Variants in ZNF644 observed in about 807,000 individuals in gnomAD.
ZNF644 encodes zinc finger protein 644, also known as zinc finger motif enhancer binding protein 2.
Under a neutral mutation model 108.0 loss-of-function variants are expected in ZNF644, and 20 were observed. The observed-to-expected ratio is 0.19, with a 90% confidence interval of 0.13 to 0.27. ZNF644 has a LOEUF of 0.27. Among genes scored for constraint, ZNF644 ranks in the 10% least tolerant of loss-of-function variants. ZNF644 has a pLI of 1.00. For missense variants in ZNF644, 1,338 were observed against 1,548.9 expected (o/e 0.86, Z 2.29); for synonymous variants, 542 against 539.1 (o/e 1.01, Z -0.08).
chr1:90,927,538 A>G (rs1300714116), intron 4 of ZNF644, among the ~76,000 whole-genome samples: 1 of 152,214 alleles, frequency 6.6e-6, no homozygotes, highest in Admixed American at 6.5e-5. Context: ...GGAAAAATCA[A>G]GTTATTAACA....
intron 2 of ZNF644, among the ~76,000 whole-genome samples, chr1:90,962,357 A>G (rs1312284461): frequency 6.6e-6 from 1 of 152,048 alleles, no homozygotes; most frequent in Non-Finnish European, 1.5e-5. Context: ...ACCCATATGT[A>G]TATGGTCACT....
chr1:91,015,972 T>C (rs1178707753), intron 1 of ZNF644, among the ~76,000 whole-genome samples: 1 of 152,236 alleles, frequency 6.6e-6, no homozygotes, highest in Non-Finnish European at 1.5e-5. Flanking sequence ...TTGAAGATGG[T>C]AATTACTAAT....
intron 4 of ZNF644, among the ~76,000 whole-genome samples, chr1:90,924,438 A>C (rs145885566): frequency 6.6e-6 from 1 of 152,270 alleles, no homozygotes; most frequent in East Asian, 1.9e-4. Context: ...CAAAATAATC[A>C]CAGTCCCTGC....
Position 90,938,058 on chromosome 1 carries a change from T to C in ZNF644, c.3115A>G (p.Thr1039Ala), listed in dbSNP as rs1285697779. The change falls in exon 4 of 6, where the codon ACT (threonine) becomes GCT (alanine). Residue 1039 changes from threonine to alanine, a missense_variant. By Grantham distance (58) the Thr-to-Ala change is moderately conservative. Around this residue, in one of 6 missense-constraint regions of ZNF644, gnomAD observed 287 missense variants for 310.9 expected, o/e 0.92. Coordinates refer to ENST00000337393, the MANE Select transcript of ZNF644 (RefSeq NM_201269.3). The surrounding 1 kb of genome is among the most constrained non-coding windows in gnomAD (Gnocchi z 4.2). ...IEKSETTSEH[T>A]CQLCGGWFDT... is the part of the protein sequence containing the mutation. Reference sequence around the variant, plus strand: ...AACCAACCACCACAGAGCTGACAAGTGTGTTCAGAAGTGGTTTCAGACTTC... The same window carrying C: ...AACCAACCACCACAGAGCTGACAAGCGTGTTCAGAAGTGGTTTCAGACTTC... The C allele has an allele frequency of 2.5e-6, 4 of 1,610,874 alleles. No homozygotes were observed. Among genetic ancestry groups the C allele is most frequent in the Middle Eastern group, 1.7e-4 (1 of 6,060 alleles).
chr1:90,976,561 C>T (rs570844852), intron 2 of ZNF644, among the ~76,000 whole-genome samples: 1 of 152,260 alleles, frequency 6.6e-6, no homozygotes, highest in African/African-American at 2.4e-5. Context: ...ATATTTGCCG[C>T]TTAGCCTTTG....
Position 90,948,679 on chromosome 1 carries a change from T to C in ZNF644, c.45-7370A>G, listed in dbSNP as rs10922940. Among the ~76,000 whole-genome samples the C allele has an allele frequency of 2.8e-3, 430 of 152,312 alleles. 4 individuals are homozygous for C. Among genetic ancestry groups the C allele is most frequent in the African/African-American group, 9.9e-3 (411 of 41,552 alleles). On this transcript the variant is annotated intron_variant, in intron 2 of 5. Coordinates refer to ENST00000337393, the MANE Select transcript of ZNF644 (RefSeq NM_201269.3). ...ACCCACAGATACAGAAAGTCGACTATATTCATCGAAAAAAATCCACGTTTA... is the reference window on the plus strand; with the variant it reads ...ACCCACAGATACAGAAAGTCGACTACATTCATCGAAAAAAATCCACGTTTA...
intron 1 of ZNF644, among the ~76,000 whole-genome samples, chr1:90,989,253 A>T (rs1657403627): frequency 6.6e-6 from 1 of 152,196 alleles, no homozygotes; most frequent in African/African-American, 2.4e-5. Context: ...AAACAAGCAC[A>T]CAAAAAGATG....
At chr1:90,968,888 G>T (rs1162056269) in intron 2 of ZNF644, among the ~76,000 whole-genome samples, 1 of 152,034 alleles carries the variant, frequency 6.6e-6, no homozygotes, top group African/African-American at 2.4e-5. Flanking sequence ...ACTTGCCACA[G>T]CAAACCAAAA....
At chr1:90,960,100 C>T (rs1479592794) in intron 2 of ZNF644, among the ~76,000 whole-genome samples, 1 of 152,020 alleles carries the variant, frequency 6.6e-6, no homozygotes, top group African/African-American at 2.4e-5. Context: ...ACCTTTATTT[C>T]ACTTAATAAT....
intron 2 of ZNF644, among the ~76,000 whole-genome samples, chr1:90,981,339 G>A (rs1656532027): frequency 6.6e-6 from 1 of 152,024 alleles, no homozygotes; most frequent in Non-Finnish European, 1.5e-5. Context: ...AGCACAATAA[G>A]TACTCTTCAA....
chr1:90,983,081 A>AT (rs1491523311), intron 1 of ZNF644, among the ~76,000 whole-genome samples: 1 of 152,144 alleles, frequency 6.6e-6, no homozygotes, highest in African/African-American at 2.4e-5. Flanking sequence ...CACACTCTAC[A>AT]TATCTCCTCC....
At chr1:91,016,418 C>CTAT (rs1419156431) in intron 1 of ZNF644, among the ~76,000 whole-genome samples, 4 of 152,144 alleles carry the variant, frequency 2.6e-5, no homozygotes, top group African/African-American at 9.7e-5. Flanking sequence ...TTGGTATAGC[C>CTAT]TATTGTTCCT....
intron 2 of ZNF644, among the ~76,000 whole-genome samples, chr1:90,947,568 C>T (rs1047326951): frequency 6.6e-6 from 1 of 152,046 alleles, no homozygotes; most frequent in African/African-American, 2.4e-5. Flanking sequence ...TACTTTGAGC[C>T]TTCTGGTATT....
intron 1 of ZNF644, among the ~76,000 whole-genome samples, chr1:90,989,836 A>G (rs1324873428): frequency 2.0e-5 from 3 of 152,192 alleles, no homozygotes; most frequent in Non-Finnish European, 4.4e-5. Flanking sequence ...AAGAATCCAA[A>G]GCAGAATCTC....
intron 1 of ZNF644, among the ~76,000 whole-genome samples, chr1:91,006,881 C>G (rs1436070002): frequency 1.3e-5 from 2 of 152,008 alleles, no homozygotes; most frequent in Non-Finnish European, 2.9e-5. Context: ...AGTAAATATT[C>G]TAACAACCTC....
chr1:90,974,087 C>T (rs776479392), intron 2 of ZNF644, among the ~76,000 whole-genome samples: 1 of 152,106 alleles, frequency 6.6e-6, no homozygotes, highest in Non-Finnish European at 1.5e-5. Context: ...TCTGAACAAA[C>T]AGGCTCTGCT....
chr1:90,936,936 C>T (rs1055929207), intron 4 of ZNF644, among the ~76,000 whole-genome samples: 1 of 152,078 alleles, frequency 6.6e-6, no homozygotes, highest in African/African-American at 2.4e-5. Flanking sequence ...CAAACTATTC[C>T]GCAATACAAT....
intron 2 of ZNF644, among the ~76,000 whole-genome samples, chr1:90,955,237 G>A (rs1304504972): frequency 6.6e-6 from 1 of 152,196 alleles, no homozygotes; most frequent in Admixed American, 6.5e-5. Context: ...TTCATTTATA[G>A]AGCACAGGTA....
At chr1:90,954,935 G>T (rs1176859513) in intron 2 of ZNF644, among the ~76,000 whole-genome samples, 1 of 152,148 alleles carries the variant, frequency 6.6e-6, no homozygotes, top group Non-Finnish European at 1.5e-5. Flanking sequence ...ACTTTGCTCA[G>T]ATCCATCAGA....
Sources: allele counts gnomAD v4.1 joint callset (sites outside exome capture counted in the v4.1 genomes callset), GRCh38; gene constraint gnomAD v4.1.1; regional missense constraint gnomAD v4.1.1; non-coding constraint Gnocchi (gnomAD v3.1); transcripts MANE v1.5; gene names NCBI Gene and HGNC (gene_info 2026-07-23, HGNC 2026-07-21).